The following CYP7B1 variants were observed in gnomAD, a reference collection of about 807,000 sequenced individuals.
The protein encoded by CYP7B1 is cytochrome P450 family 7 subfamily B member 1.
Under a neutral mutation model 42.7 loss-of-function variants are expected in CYP7B1, and 29 were observed. The observed-to-expected ratio is 0.68, with a 90% CI of 0.51 to 0.93. The LOEUF is 0.93. Among genes scored for constraint, CYP7B1 ranks in the 40% least tolerant of loss-of-function variants. The pLI, the probability that CYP7B1 is intolerant of heterozygous loss-of-function variation, is 0.00. For synonymous variants in CYP7B1, 235 were observed against 218.2 expected (o/e 1.08, Z -0.68); for missense variants, 655 against 600.5 (o/e 1.09, Z -0.95).
At chr8:64,634,002 G>T (rs982385012) in intron 1 of CYP7B1, among the ~76,000 whole-genome samples, 1 of 152,154 alleles carries the variant, frequency 6.6e-6, no homozygotes, top group Admixed American at 6.5e-5. Context: ...AAAGAGAAAA[G>T]TCTGGTATAT....
chr8:64,697,306 T>C (rs1296997483), intron 1 of CYP7B1, among the ~76,000 whole-genome samples: 1 of 152,186 alleles, frequency 6.6e-6, no homozygotes, highest in Non-Finnish European at 1.5e-5. Context: ...TACTCACATA[T>C]AAATACAGTA....
At chr8:64,677,694 C>A (rs1164742512) in intron 1 of CYP7B1, among the ~76,000 whole-genome samples, 1 of 146,424 alleles carries the variant, frequency 6.8e-6, no homozygotes, top group African/African-American at 2.5e-5. Flanking sequence ...TAAGAAGGAA[C>A]CACACTCCTT....
intron 1 of CYP7B1, among the ~76,000 whole-genome samples, chr8:64,764,897 G>T (rs1481480487): frequency 1.3e-5 from 2 of 151,766 alleles, no homozygotes; most frequent in African/African-American, 4.8e-5. Flanking sequence ...TCCTAACAGG[G>T]GATTTAAATC....
At chr8:64,608,158 T>A (rs755322792) in intron 4 of CYP7B1, among the ~76,000 whole-genome samples, 2 of 152,236 alleles carry the variant, frequency 1.3e-5, no homozygotes, top group Non-Finnish European at 2.9e-5. Flanking sequence ...TGCCAGGGAA[T>A]GTCTTGAGCT....
chr8:64,644,545 C>T (rs1406185974), intron 1 of CYP7B1, among the ~76,000 whole-genome samples: 2 of 152,148 alleles, frequency 1.3e-5, no homozygotes, highest in African/African-American at 4.8e-5. Context: ...GTAGCCAATA[C>T]AAAAACATTA....
chr8:64,737,580 T>A (rs1395717909), intron 1 of CYP7B1, among the ~76,000 whole-genome samples: 2 of 152,204 alleles, frequency 1.3e-5, no homozygotes, highest in East Asian at 3.9e-4. Context: ...AAGAATCATA[T>A]TTTTAACTTT....
intron 1 of CYP7B1, among the ~76,000 whole-genome samples, chr8:64,775,971 A>G (rs1399196895): frequency 6.6e-6 from 1 of 152,178 alleles, no homozygotes; most frequent in Non-Finnish European, 1.5e-5. Flanking sequence ...AAAGTTAGTG[A>G]CAAATGTTGT....
chr8:64,601,861 A>T (rs550474767), intron 5 of CYP7B1, among the ~76,000 whole-genome samples: 86 of 152,296 alleles, frequency 5.6e-4, no homozygotes, highest in African/African-American at 2.0e-3. Flanking sequence ...TCCTATTTAG[A>T]TGTCTCCTAG....
chr8:64,762,586 A>G (rs1807905981), intron 1 of CYP7B1, among the ~76,000 whole-genome samples: 1 of 152,246 alleles, frequency 6.6e-6, no homozygotes, highest in Non-Finnish European at 1.5e-5. Flanking sequence ...TCATAATGCA[A>G]TGACCTGGGG....
At chr8:64,629,108 T>C (rs989053982) in intron 1 of CYP7B1, among the ~76,000 whole-genome samples, 1 of 151,824 alleles carries the variant, frequency 6.6e-6, no homozygotes, top group Non-Finnish European at 1.5e-5. Flanking sequence ...GCACCTGTAA[T>C]CCCAGCTACT....
Position 64,615,674 on chromosome 8 carries a change from C to G in CYP7B1, c.850+17G>C, listed in dbSNP as rs769050510. On this transcript the variant is annotated intron_variant, in intron 3 of 5. Transcript: ENST00000310193. ...AATGATTTTATTTTAGGCAAGTGCT[C>G]ATTCAGAAGTTCTTACCTCCTATTT... is the stretch of plus-strand genomic sequence containing the variant. 22 of 1,605,518 alleles carry G rather than the reference C, an allele frequency of 1.4e-5. No individual in the cohort carries two copies. Among genetic ancestry groups the G allele is most frequent in the African/African-American group, 4.0e-5 (3 of 74,654 alleles).
intron 1 of CYP7B1, among the ~76,000 whole-genome samples, chr8:64,663,018 T>C (rs569989524): frequency 3.9e-5 from 6 of 152,326 alleles, no homozygotes; most frequent in African/African-American, 1.4e-4. Flanking sequence ...TTCACAAAGA[T>C]TCTCTTCCCT....
At chr8:64,664,777 C>T (rs1806250728) in intron 1 of CYP7B1, among the ~76,000 whole-genome samples, 1 of 152,178 alleles carries the variant, frequency 6.6e-6, no homozygotes, top group South Asian at 2.1e-4. Context: ...CTTTGTGGCA[C>T]TTATCCTTTA....
At chr8:64,766,121 G>A (rs7814652) in intron 1 of CYP7B1, among the ~76,000 whole-genome samples, 37,473 of 152,036 alleles carry the variant, frequency 0.25, 5,325 homozygotes, top group African/African-American at 0.39. Context: ...AGTTCCCAGT[G>A]TAGACCCTCA....
intron 1 of CYP7B1, among the ~76,000 whole-genome samples, chr8:64,770,740 G>A (rs1386706066): frequency 6.6e-6 from 1 of 152,210 alleles, no homozygotes; most frequent in African/African-American, 2.4e-5. Context: ...TGAACCCACA[G>A]TCCATGTGCC....
chr8:64,697,761 T>C (rs188249877), intron 1 of CYP7B1, among the ~76,000 whole-genome samples: 39 of 152,270 alleles, frequency 2.6e-4, no homozygotes, highest in Admixed American at 2.2e-3. Flanking sequence ...TTCCACACTA[T>C]GGATGAAAAA....
intron 1 of CYP7B1, among the ~76,000 whole-genome samples, chr8:64,709,905 A>G (rs932002106): frequency 6.6e-6 from 1 of 152,150 alleles, no homozygotes; most frequent in African/African-American, 2.4e-5. Flanking sequence ...ACTTCACCTC[A>G]AACTTTACTG....
At chr8:64,797,720 G>A (rs1472613877) in intron 1 of CYP7B1, among the ~76,000 whole-genome samples, 1 of 152,064 alleles carries the variant, frequency 6.6e-6, no homozygotes, top group Non-Finnish European at 1.5e-5. Flanking sequence ...AAATGCATCC[G>A]CTTGGTTCTC....
intron 1 of CYP7B1, among the ~76,000 whole-genome samples, chr8:64,790,512 A>C (rs1361239046): frequency 6.6e-6 from 1 of 152,220 alleles, no homozygotes; most frequent in African/African-American, 2.4e-5. Context: ...CCTAAAGCTA[A>C]AGGAAGGACA....
Sources: allele counts gnomAD v4.1 joint callset (sites outside exome capture counted in the v4.1 genomes callset), GRCh38; gene constraint gnomAD v4.1.1; transcripts MANE v1.5; gene names NCBI Gene and HGNC (gene_info 2026-07-23, HGNC 2026-07-21).